ZFP14: variants seen among roughly 807,000 people sequenced by gnomAD.
The protein encoded by ZFP14 is zinc finger protein 14 homolog.
A neutral mutation model predicts 54.5 loss-of-function variants in ZFP14; 22 were observed. That is an observed-to-expected ratio of 0.40 (90% CI 0.29 to 0.58). ZFP14 has a LOEUF of 0.58. Ranked by LOEUF, ZFP14 falls within the 20% of genes least tolerant of loss-of-function variation. The pLI is 0.39. For synonymous variants in ZFP14, 159 were observed against 204.0 expected, an observed-to-expected ratio of 0.78 and a Z score of 1.88; for missense variants, 470 against 637.8, an observed-to-expected ratio of 0.74 and a Z score of 2.83.
At chr19:36,378,158 G>C (rs554154774) in intron 1 of ZFP14, 2 of 152,208 alleles carry the variant, frequency 1.3e-5, no homozygotes. Context: ...TTCTAAGGAG[G>C]ATCTAATGAC....
intron 4 of ZFP14, among the ~76,000 whole-genome samples, chr19:36,344,952 T>C (rs2031386803): frequency 6.6e-6 from 1 of 152,156 alleles, no homozygotes; most frequent in Non-Finnish European, 1.5e-5. Flanking sequence ...CTATGACTTA[T>C]CAATGCTACA....
At chr19:36,366,592 C>G (rs1043954562) in intron 2 of ZFP14, among the ~76,000 whole-genome samples, 1 of 152,132 alleles carries the variant, frequency 6.6e-6, no homozygotes, top group African/African-American at 2.4e-5. Context: ...ACTGGGATTA[C>G]AGGCATGAGC....
intron 1 of ZFP14, among the ~76,000 whole-genome samples, chr19:36,376,124 A>G (rs2145566717): frequency 6.6e-6 from 1 of 152,314 alleles, no homozygotes; most frequent in Admixed American, 6.5e-5. Flanking sequence ...GGTGAGAACT[A>G]CAGTTTCTAC....
intron 1 of ZFP14, among the ~76,000 whole-genome samples, chr19:36,371,625 A>C (rs1198506132): frequency 6.6e-6 from 1 of 152,146 alleles, no homozygotes; most frequent in Non-Finnish European, 1.5e-5. Flanking sequence ...AGTAGGAGTT[A>C]AAAAGGGAGA....
At chr19:36,370,684 G>A (rs73606491) in intron 1 of ZFP14, among the ~76,000 whole-genome samples, 5,963 of 152,338 alleles carry the variant, frequency 0.039, 362 homozygotes, top group African/African-American at 0.14. Flanking sequence ...TGTGGTTCCA[G>A]CCTTTTGGAG....
intron 3 of ZFP14, 143 bp downstream of exon 3, chr19:36,361,969 T>C: frequency 1.1e-6 from 1 of 884,680 alleles, no homozygotes; most frequent in Non-Finnish European, 1.6e-6. Context: ...CTGGACATGA[T>C]GAAATGGAGA....
intron 4 of ZFP14, among the ~76,000 whole-genome samples, chr19:36,347,397 G>A (rs1424567893): frequency 1.3e-5 from 2 of 152,014 alleles, no homozygotes; most frequent in Non-Finnish European, 2.9e-5. Flanking sequence ...ATTGCTTGAG[G>A]TCAGGAGTTC....
intron 4 of ZFP14, 133 bp downstream of exon 4, chr19:36,360,302 C>T: frequency 1.7e-6 from 1 of 599,064 alleles, no homozygotes; most frequent in Non-Finnish European, 2.6e-6. Flanking sequence ...GCTTCAAGTC[C>T]CAAGCCCTGC....
intron 4 of ZFP14, among the ~76,000 whole-genome samples, chr19:36,345,523 T>C (rs1002144327): frequency 3.9e-5 from 6 of 152,082 alleles, no homozygotes; most frequent in Admixed American, 3.3e-4. Context: ...ATGATCCAGA[T>C]GGCGTACTTT....
At chr19:36,372,505 A>G (rs761453677) in intron 1 of ZFP14, among the ~76,000 whole-genome samples, 1 of 152,208 alleles carries the variant, frequency 6.6e-6, no homozygotes, top group Non-Finnish European at 1.5e-5. Flanking sequence ...CCTAAAATAA[A>G]TGATTAATTC....
At chr19:36,347,687 C>T (rs1345088418) in intron 4 of ZFP14, among the ~76,000 whole-genome samples, 2 of 152,068 alleles carry the variant, frequency 1.3e-5, no homozygotes, top group Non-Finnish European at 2.9e-5. Context: ...ATTATCAAAA[C>T]TTGAGAAAGC....
chr19:36,363,189 C>CTTTT (rs772799449), intron 2 of ZFP14, among the ~76,000 whole-genome samples: 94 of 97,726 alleles, frequency 9.6e-4, no homozygotes, highest in South Asian at 2.0e-3. Context: ...CTTTTCTTTT[C>CTTTT]TTTTTTTTTT....
At chr19:36,368,049 CT>C (rs2031822369) in intron 1 of ZFP14, 78 bp from the exon 2 acceptor site, 4 of 792,802 alleles carry the variant, frequency 5.0e-6, no homozygotes, top group African/African-American at 1.7e-5. Context: ...AATATGAAAA[CT>C]TTTTTCTCTT....
intron 4 of ZFP14, among the ~76,000 whole-genome samples, chr19:36,359,711 G>A (rs2031678578): frequency 6.6e-6 from 1 of 152,054 alleles, no homozygotes; most frequent in Non-Finnish European, 1.5e-5. Flanking sequence ...CTGGAGTGCA[G>A]TGGCGTGATC....
chr19:36,356,184 T>C (rs1289390241), intron 4 of ZFP14, among the ~76,000 whole-genome samples: 1 of 150,730 alleles, frequency 6.6e-6, no homozygotes, highest in Non-Finnish European at 1.5e-5. Context: ...CCTCTAATCC[T>C]AGCACTTTGG....
intron 3 of ZFP14, among the ~76,000 whole-genome samples, chr19:36,360,988 A>C (rs2031700659): frequency 6.6e-6 from 1 of 152,238 alleles, no homozygotes; most frequent in Non-Finnish European, 1.5e-5. Flanking sequence ...ATTAATAATG[A>C]ACAATGCTTA....
Position 36,354,334 on chromosome 19 carries a change from G to A in ZFP14, c.235+6101C>T, listed in dbSNP as rs1446826779. 3.1e-5 allele frequency among the ~76,000 whole-genome samples: 4 copies of A among 127,726 alleles called. 1 individual carries two copies. In the Admixed American group the frequency reaches 3.5e-4, roughly 11 times the overall value. 83.8% of individuals were successfully genotyped at this position (127,726 alleles called of 152,430 possible). A position where few individuals can be genotyped will look rare whatever the true frequency, so the allele number is the denominator to read the frequency against. On this transcript the variant is annotated intron_variant, in intron 4 of 4. Transcript: ENST00000270001. ...TGCAGTGAGCTGAGATGGTGCAACT[G>A]CACTCCAGGCTGGGCGACAGAGAGA...
chr19:36,352,641 C>G (rs1568468230), intron 4 of ZFP14, among the ~76,000 whole-genome samples: 1 of 142,258 alleles, frequency 7.0e-6, no homozygotes, highest in Non-Finnish European at 1.6e-5. Context: ...ACAAAAAATG[C>G]TTAAAAATTA....
At chr19:36,360,386 C>A in intron 4 of ZFP14, 49 bp downstream of exon 4, 1 of 1,551,658 alleles carries the variant, frequency 6.4e-7, no homozygotes, top group South Asian at 1.2e-5. Context: ...ATCAGTTTAG[C>A]TATTACCTGC....
Sources: allele counts gnomAD v4.1 joint callset (sites outside exome capture counted in the v4.1 genomes callset), GRCh38; gene constraint gnomAD v4.1.1; transcripts MANE v1.5; gene names NCBI Gene and HGNC (gene_info 2026-07-23, HGNC 2026-07-21).